TAX1BP1: variants seen among roughly 807,000 people sequenced by gnomAD.
The protein encoded by TAX1BP1 is Tax1 binding protein 1.
In TAX1BP1, 62 loss-of-function variants were observed where a neutral mutation model predicts 97.7. The ratio of observed to expected loss-of-function variants is 0.63; its 90% CI spans 0.52 to 0.78. TAX1BP1 has a LOEUF of 0.78. Among genes scored for constraint, TAX1BP1 ranks in the 30% least tolerant of loss-of-function variants. The pLI, the probability that TAX1BP1 is intolerant of heterozygous loss-of-function variation, is 0.00. For synonymous variants in TAX1BP1, 340 were observed against 304.2 expected (o/e 1.12, Z -1.23); for missense variants, 867 against 916.1 (o/e 0.95, Z 0.69).
intron 13 of TAX1BP1, among the ~76,000 whole-genome samples, chr7:27,804,427 TC>T (rs1790257180): frequency 1.3e-5 from 2 of 152,198 alleles, no homozygotes; most frequent in Admixed American, 6.5e-5. Flanking sequence ...GTGGTATTGT[TC>T]CAGCAACGAT....
chr7:27,785,513 A>G (rs750226886), intron 7 of TAX1BP1, 24 bp downstream of exon 7: 61 of 1,571,542 alleles, frequency 3.9e-5, no homozygotes, highest in Non-Finnish European at 4.8e-5. Flanking sequence ...TACCATATCT[A>G]TTGCCTGTTG....
intron 3 of TAX1BP1, among the ~76,000 whole-genome samples, chr7:27,758,731 G>T (rs1332586939): frequency 6.6e-6 from 1 of 152,032 alleles, no homozygotes; most frequent in East Asian, 1.9e-4. Context: ...GCATAATTCC[G>T]CTATATGAGG....
At position 27,802,816 on chromosome 7, in the gene TAX1BP1, A is replaced by G. The variant is rs142896351; in HGVS notation, c.1764+2726A>G. ...ATATTGAGAGAAGAGGCCAAAGAAG[A>G]AACTTTGGAGAATACTCATATTTGG... On this transcript the variant is annotated intron_variant, in intron 13 of 16. Transcript: ENST00000396319. Among the ~76,000 whole-genome samples, 6 of 152,286 alleles carry G rather than the reference A, an allele frequency of 3.9e-5. No individual in the cohort carries two copies. The East Asian group carries it at 1.2e-3, about 29-fold the overall frequency.
At chr7:27,822,096 G>C (rs951870415) in intron 15 of TAX1BP1, among the ~76,000 whole-genome samples, 1 of 152,152 alleles carries the variant, frequency 6.6e-6, no homozygotes, top group Non-Finnish European at 1.5e-5. Context: ...CAAAGGAAAT[G>C]CTTACTGGAG....
At chr7:27,793,500 A>G (rs546933030) in intron 10 of TAX1BP1, among the ~76,000 whole-genome samples, 161 of 152,170 alleles carry the variant, frequency 1.1e-3, no homozygotes, top group African/African-American at 3.7e-3. Flanking sequence ...GTCACTCAAA[A>G]CTCAATACTT....
chr7:27,744,436 C>T (rs1241088445), intron 1 of TAX1BP1, among the ~76,000 whole-genome samples: 2 of 152,184 alleles, frequency 1.3e-5, no homozygotes, highest in African/African-American at 2.4e-5. Flanking sequence ...AGTTTAGTAT[C>T]TTTAAATGAT....
At chr7:27,799,005 A>T (rs941472948) in intron 12 of TAX1BP1, among the ~76,000 whole-genome samples, 1 of 152,012 alleles carries the variant, frequency 6.6e-6, no homozygotes, top group African/African-American at 2.4e-5. Flanking sequence ...GAAAAGCAAA[A>T]TTTAAATTTT....
chr7:27,809,349 C>T (rs1790464569), intron 13 of TAX1BP1, among the ~76,000 whole-genome samples: 1 of 152,102 alleles, frequency 6.6e-6, no homozygotes, highest in Non-Finnish European at 1.5e-5. Flanking sequence ...GGTACCACAA[C>T]CATTACTGTG....
At chr7:27,785,599 C>A in intron 7 of TAX1BP1, 110 bp downstream of exon 7, 1 of 854,904 alleles carries the variant, frequency 1.2e-6, no homozygotes, top group Non-Finnish European at 1.9e-6. Context: ...GTGGTTCTGG[C>A]TCTAGCCTCT....
chr7:27,767,443 A>G (rs184394259), intron 4 of TAX1BP1, among the ~76,000 whole-genome samples: 13 of 152,256 alleles, frequency 8.5e-5, no homozygotes, highest in Admixed American at 8.5e-4. Context: ...AGGAGGAACT[A>G]ATGATTTTTT....
chr7:27,764,730 T>G (rs1185219455), intron 3 of TAX1BP1, among the ~76,000 whole-genome samples: 1 of 152,156 alleles, frequency 6.6e-6, no homozygotes, highest in African/African-American at 2.4e-5. Flanking sequence ...CTAATGAAGT[T>G]CATTACTTGT....
chr7:27,756,976 A>G (rs1427367468), intron 2 of TAX1BP1, among the ~76,000 whole-genome samples: 1 of 152,160 alleles, frequency 6.6e-6, no homozygotes, highest in Non-Finnish European at 1.5e-5. Context: ...TCTCTTCTAT[A>G]TAATTACAAA....
At chr7:27,798,246 A>C (rs1253189556) in intron 12 of TAX1BP1, among the ~76,000 whole-genome samples, 1 of 151,902 alleles carries the variant, frequency 6.6e-6, no homozygotes, top group East Asian at 1.9e-4. Flanking sequence ...TTCGGCTGGT[A>C]CAAATAAAGC....
chr7:27,751,266 C>T (rs1347882384), intron 2 of TAX1BP1, among the ~76,000 whole-genome samples: 5 of 152,122 alleles, frequency 3.3e-5, no homozygotes, highest in African/African-American at 9.7e-5. Context: ...ATAGGAAGTT[C>T]AGGCATGTAG....
intron 1 of TAX1BP1, among the ~76,000 whole-genome samples, chr7:27,744,371 C>T (rs1435329562): frequency 3.3e-5 from 5 of 152,128 alleles, no homozygotes; most frequent in African/African-American, 7.2e-5. Context: ...GTGATCCGCC[C>T]GCCTCGGCCT....
chr7:27,767,186 G>C (rs1562708389), intron 4 of TAX1BP1, among the ~76,000 whole-genome samples: 1 of 152,018 alleles, frequency 6.6e-6, no homozygotes, highest in Non-Finnish European at 1.5e-5. Context: ...ATTGTATATA[G>C]TGCCCTCTAT....
At chr7:27,771,539 T>G (rs1788850776) in intron 5 of TAX1BP1, among the ~76,000 whole-genome samples, 1 of 151,950 alleles carries the variant, frequency 6.6e-6, no homozygotes, top group Non-Finnish European at 1.5e-5. Context: ...GTAGCTAAGA[T>G]TTAAACAGTC....
chr7:27,766,017 T>C lies in TAX1BP1; in HGVS notation c.449T>C (p.Leu150Pro). The change falls in exon 4 of 17, where the codon CTT (leucine) becomes CCT (proline). Residue 150 changes from leucine to proline, a missense_variant. Coordinates refer to ENST00000396319, the MANE Select transcript of TAX1BP1 (RefSeq NM_006024.7). ...MLVVTTKAGL[L>P]ELKIEKTMKE... ...GTGGTGACCACAAAAGCAGGCCTTC[T>C]TGAGGTTGGTGTTCACAGTGAGATA... is the stretch of plus-strand genomic sequence containing the variant. The C allele has an allele frequency of 6.2e-7, 1 of 1,613,296 alleles. No homozygotes were observed. The highest frequency in any genetic ancestry group is 8.5e-7 in the Non-Finnish European group (1 of 1,179,644).
intron 5 of TAX1BP1, among the ~76,000 whole-genome samples, chr7:27,784,684 G>A (rs568120468): frequency 9.9e-5 from 15 of 152,248 alleles, no homozygotes; most frequent in African/African-American, 3.6e-4. Context: ...TGAAAAGTCT[G>A]AAGGTGGGGG....
Sources: allele counts gnomAD v4.1 joint callset (sites outside exome capture counted in the v4.1 genomes callset), GRCh38; gene constraint gnomAD v4.1.1; transcripts MANE v1.5; gene names NCBI Gene and HGNC (gene_info 2026-07-23, HGNC 2026-07-21).